The following MTHFD2 variants were observed in gnomAD, a reference collection of about 807,000 sequenced individuals.
MTHFD2 encodes methylenetetrahydrofolate dehydrogenase (NADP+ dependent) 2, methenyltetrahydrofolate cyclohydrolase.
In MTHFD2, 26 loss-of-function variants were observed where a neutral mutation model predicts 36.8. The ratio of observed to expected loss-of-function variants is 0.71; its 90% CI spans 0.52 to 0.98. The LOEUF (loss-of-function observed/expected upper bound fraction) is 0.98. Among genes scored for constraint, MTHFD2 ranks in the 50% least tolerant of loss-of-function variants. MTHFD2 has a pLI of 0.00. For synonymous variants in MTHFD2, 164 were observed against 155.2 expected (o/e 1.06, Z -0.42); for missense variants, 373 against 434.0 (o/e 0.86, Z 1.25).
In MTHFD2 at chr2:74,214,874, A is replaced by G. The variant is rs1012306453; in HGVS notation, c.*632A>G. 44 of 152,248 alleles carry G rather than the reference A, an allele frequency of 2.9e-4. No individual in the cohort carries two copies. The highest frequency in any genetic ancestry group is 4.4e-5 in the Non-Finnish European group (3 of 68,044). 9.4% of individuals were successfully genotyped at this position (152,248 alleles called of 1,614,324 possible). A position where few individuals can be genotyped will look rare whatever the true frequency, so the allele number is the denominator to read the frequency against. ...AAAATGTTTAGGATTATTCCTTGCT[A>G]TTAGTACTCATTTTATGTATGTTAC... On this transcript the variant is annotated 3_prime_UTR_variant, in exon 8 of 8. Coordinates refer to ENST00000394053, the MANE Select transcript of MTHFD2 (RefSeq NM_006636.4).
At chr2:74,199,933 G>T (rs1019625644) in intron 1 of MTHFD2, among the ~76,000 whole-genome samples, 2 of 152,046 alleles carry the variant, frequency 1.3e-5, no homozygotes, top group Non-Finnish European at 2.9e-5. Flanking sequence ...TTCATCTAAC[G>T]TTCACTGTGT....
In MTHFD2 at chr2:74,198,690, C is replaced by T; in HGVS notation, c.49C>T (p.Pro17Ser). The change falls in exon 1 of 8, where the codon CCC (proline) becomes TCC (serine). Residue 17 changes from proline (P) to serine (S), a missense_variant. By Grantham distance (74) the Pro-to-Ser change is moderately conservative. Coordinates refer to ENST00000394053, the MANE Select transcript of MTHFD2 (RefSeq NM_006636.4). Reference protein sequence around the residue: ...MSALAARLLQPAHSCSLRLRP... With the variant: ...MSALAARLLQSAHSCSLRLRP... ...TGCTTTGGCTGCCCGGCTGCTGCAGCCCGCGCACAGCTGCTCCCTTCGCCT... is the reference window on the plus strand; with the variant it reads ...TGCTTTGGCTGCCCGGCTGCTGCAGTCCGCGCACAGCTGCTCCCTTCGCCT... 1 of 1,611,458 alleles carries T rather than the reference C, an allele frequency of 6.2e-7. No homozygotes were observed. Among genetic ancestry groups the T allele is most frequent in the South Asian group, 1.1e-5 (1 of 90,832 alleles).
rs1443485163 is a variant in MTHFD2, at chr2:74,198,749, G to A, written c.101+7G>A. 2 of 1,602,736 alleles carry A rather than the reference G, an allele frequency of 1.2e-6. No homozygotes were observed. Among genetic ancestry groups the A allele is most frequent in the East Asian group, 4.5e-5 (2 of 44,332 alleles). ...TCCACCTCGCGGCAGTTCGGTAAGA[G>A]GGTCACAGAGCTCGGTCAGCGCGGA... On this transcript the variant is annotated splice_region_variant and intron_variant, in intron 1 of 7. Coordinates refer to ENST00000394053, the MANE Select transcript of MTHFD2 (RefSeq NM_006636.4).
In MTHFD2 at chr2:74,209,903, C is replaced by T; in HGVS notation, c.563-39C>T. 1.9e-6 allele frequency: 3 copies of T among 1,554,516 alleles called. No homozygotes were observed. The South Asian group carries it at 3.5e-5, about 18-fold the overall frequency. ...CCATCTGACTTTGTTTTCCTTTGGACTGGCACTACTTTTAATGTCAATACA... is the reference window on the plus strand; with the variant it reads ...CCATCTGACTTTGTTTTCCTTTGGATTGGCACTACTTTTAATGTCAATACA... On this transcript the variant is annotated intron_variant, in intron 4 of 7. Transcript: ENST00000394053.
At chr2:74,212,758 A>T (rs559711007) in intron 7 of MTHFD2, among the ~76,000 whole-genome samples, 2 of 152,236 alleles carry the variant, frequency 1.3e-5, no homozygotes, top group Admixed American at 1.3e-4. Flanking sequence ...TGATGAAGTG[A>T]TTTTTCTAAA....
At chr2:74,203,843 C>CTAGTTTTTAGTTTAGTT (rs1694098782) in intron 1 of MTHFD2, among the ~76,000 whole-genome samples, 1 of 80,608 alleles carries the variant, frequency 1.2e-5, no homozygotes, top group East Asian at 5.0e-4. Flanking sequence ...AGATGCTCAT[C>CTAGTTTTTAGTTTAGTT]TAGTTTAGTT....
chr2:74,207,192 G>A (rs544044665), intron 2 of MTHFD2, among the ~76,000 whole-genome samples: 10 of 151,448 alleles, frequency 6.6e-5, no homozygotes, highest in African/African-American at 1.7e-4. Context: ...GCAGTGGTGC[G>A]ATCTCAGCTC....
chr2:74,214,131 C>T lies in MTHFD2; in HGVS notation c.942C>T (p.Pro314=). Residue 314 remains proline, a synonymous_variant, in exon 8 of 8, where the codon CCC becomes CCT. Coordinates refer to ENST00000394053, the MANE Select transcript of MTHFD2 (RefSeq NM_006636.4). The part of the protein sequence containing the change: ...YITPVPGGVG[P]MTVAMLMKNT... ...CTCCAGTTCCTGGAGGTGTTGGCCC[C>T]ATGACAGTGGCAATGCTAATGAAGA... is the stretch of plus-strand genomic sequence containing the variant. The T allele has an allele frequency of 6.2e-7, 1 of 1,614,078 alleles. No individual in the cohort carries two copies. The highest frequency in any genetic ancestry group is 8.5e-7 in the Non-Finnish European group (1 of 1,179,960).
rs1313065191 is a variant in MTHFD2 at position 74,217,110 on chromosome 2, T to C, written c.*2868T>C. 2.6e-5 allele frequency: 4 copies of C among 152,238 alleles called. No homozygotes were observed. The highest frequency in any genetic ancestry group is 9.6e-5 in the African/African-American group (4 of 41,464). 9.4% of individuals were successfully genotyped at this position (152,238 alleles called of 1,614,324 possible). A position where few individuals can be genotyped will look rare whatever the true frequency, so the allele number is the denominator to read the frequency against. The stretch of plus-strand genomic sequence containing the variant: ...GCTGGGAATTACAGAGGCAATTACC[T>C]GTCCTATACTCAAGGTGTTAATGAT... On this transcript the variant is annotated 3_prime_UTR_variant, in exon 8 of 8. Coordinates refer to ENST00000394053, the MANE Select transcript of MTHFD2 (RefSeq NM_006636.4).
At chr2:74,207,911 C>T in intron 3 of MTHFD2, 85 bp downstream of exon 3, 1 of 1,309,784 alleles carries the variant, frequency 7.6e-7, no homozygotes, top group Non-Finnish European at 1.1e-6. Context: ...TCCCCATCCC[C>T]CTCCTCCTCC....
intron 2 of MTHFD2, 24 bp downstream of exon 2, chr2:74,205,913 A>G: frequency 6.2e-7 from 1 of 1,603,380 alleles, no homozygotes; most frequent in Non-Finnish European, 8.5e-7. Context: ...TGAGACCTCG[A>G]CTGCGGTTCA....
At chr2:74,212,424 GC>G (rs1694330280) in intron 7 of MTHFD2, among the ~76,000 whole-genome samples, 3 of 151,714 alleles carry the variant, frequency 2.0e-5, no homozygotes, top group African/African-American at 7.3e-5. Context: ...GGGCCACCAC[GC>G]CCAACTAATT....
rs1558860219 is a variant in MTHFD2, at chr2:74,216,817, C to T, written c.*2575C>T. 6.6e-6 allele frequency: 1 copy of T among 152,198 alleles called. No individual in the cohort carries two copies. The highest frequency in any genetic ancestry group is 1.5e-5 in the Non-Finnish European group (1 of 68,086). 9.4% of individuals were successfully genotyped at this position (152,198 alleles called of 1,614,324 possible). A position where few individuals can be genotyped will look rare whatever the true frequency, so the allele number is the denominator to read the frequency against. ...TAGAGATGGGTCTCACTATGTTGCC[C>T]AGGCTGGTCTTGACCTCCTGACCTC... is the stretch of plus-strand genomic sequence containing the variant. On this transcript the variant is annotated 3_prime_UTR_variant, in exon 8 of 8. Coordinates refer to ENST00000394053, the MANE Select transcript of MTHFD2 (RefSeq NM_006636.4).
chr2:74,198,759 G>C lies in MTHFD2; in HGVS notation c.101+17G>C, dbSNP rs759850634. 3.1e-6 allele frequency: 5 copies of C among 1,591,050 alleles called. No homozygotes were observed. The Admixed American group carries it at 5.2e-5, about 16-fold the overall frequency. The stretch of plus-strand genomic sequence containing the variant: ...GGCAGTTCGGTAAGAGGGTCACAGA[G>C]CTCGGTCAGCGCGGAAAGCTGAGGG... On this transcript the variant is annotated intron_variant, in intron 1 of 7. Transcript: ENST00000394053.
In MTHFD2 at chr2:74,215,242, G is replaced by C. The variant is rs1694409628; in HGVS notation, c.*1000G>C. On this transcript the variant is annotated 3_prime_UTR_variant, in exon 8 of 8. Transcript: ENST00000394053. ...ATTTAATCAGACTTTCTGATTAAAG[G>C]GTTTTCTTTCTTTTTTAATAAAACA... 1 of 152,266 alleles carries C rather than the reference G, an allele frequency of 6.6e-6. No homozygotes were observed. Among genetic ancestry groups the C allele is most frequent in the African/African-American group, 2.4e-5 (1 of 41,342 alleles). The allele number at this position is 152,266 out of a possible 1,614,324, so 9.4% of individuals were successfully genotyped here.
chr2:74,205,196 T>C (rs1348618959), intron 1 of MTHFD2, among the ~76,000 whole-genome samples: 1 of 152,188 alleles, frequency 6.6e-6, no homozygotes, highest in Non-Finnish European at 1.5e-5. Flanking sequence ...GTCAGTTGAC[T>C]GGGAAATGAT....
Position 74,205,864 on chromosome 2 carries a change from C to G in MTHFD2, c.261C>G (p.Asn87Lys). ...CTGCAAGTCACTCCTATGTCCTCAA[C>G]AAAACCAGGGCAGCTGCAGTTGTGG... ...ENPASHSYVL[N>K]KTRAAAVVGI... The change falls in exon 2 of 8, where the codon AAC becomes AAG. Residue 87 changes from asparagine (N) to lysine (K), a missense_variant. This residue lies in a region of MTHFD2 where 308 missense variants were observed against 397.8 expected (regional missense o/e 0.77). Transcript: ENST00000394053. The G allele has an allele frequency of 6.2e-7, 1 of 1,613,772 alleles. No individual in the cohort carries two copies. The highest frequency in any genetic ancestry group is 8.5e-7 in the Non-Finnish European group (1 of 1,179,934).
At chr2:74,205,087 T>G (rs921771304) in intron 1 of MTHFD2, among the ~76,000 whole-genome samples, 5 of 152,172 alleles carry the variant, frequency 3.3e-5, no homozygotes, top group Admixed American at 6.5e-5. Context: ...CCTCCCAAAG[T>G]GCTGGGATTA....
intron 4 of MTHFD2, among the ~76,000 whole-genome samples, chr2:74,209,218 T>A (rs1694250928): frequency 6.6e-6 from 1 of 151,692 alleles, no homozygotes; most frequent in African/African-American, 2.4e-5. Flanking sequence ...GAAGTCTCAG[T>A]GAAGGAAATT....
Sources: allele counts gnomAD v4.1 joint callset (sites outside exome capture counted in the v4.1 genomes callset), GRCh38; gene constraint gnomAD v4.1.1; regional missense constraint gnomAD v4.1.1; transcripts MANE v1.5; gene names NCBI Gene and HGNC (gene_info 2026-07-23, HGNC 2026-07-21).